Variants in CTNNA3 observed in about 807,000 individuals in gnomAD.
The protein encoded by CTNNA3 is catenin alpha-3.
In CTNNA3, 76 loss-of-function variants were observed where a neutral mutation model predicts 95.7. The ratio of observed to expected loss-of-function variants is 0.79; its 90% CI spans 0.66 to 0.96. The LOEUF (loss-of-function observed/expected upper bound fraction) is 0.96. Ranked by LOEUF, CTNNA3 falls within the 40% of genes least tolerant of loss-of-function variation. The probability of loss-of-function intolerance (pLI) is 0.00; values close to 1 mark genes in which losing one functional copy is unlikely to be tolerated. For missense variants in CTNNA3, 1,191 were observed against 1,089.8 expected (o/e 1.09, Z -1.31); for synonymous variants, 431 against 374.4 (o/e 1.15, Z -1.74).
intron 7 of CTNNA3, among the ~76,000 whole-genome samples, chr10:66,865,843 G>T (rs570880613): frequency 6.6e-6 from 1 of 152,070 alleles, no homozygotes; most frequent in South Asian, 2.1e-4. Flanking sequence ...ACCATAAGTT[G>T]AACATTTGAA....
intron 11 of CTNNA3, among the ~76,000 whole-genome samples, chr10:66,500,233 G>T (rs1344638627): frequency 1.3e-5 from 2 of 151,900 alleles, no homozygotes; most frequent in African/African-American, 4.8e-5. Flanking sequence ...ATTGATACTA[G>T]CAAATTATAA....
chr10:66,836,024 G>A (rs1320332313), intron 7 of CTNNA3, among the ~76,000 whole-genome samples: 1 of 152,098 alleles, frequency 6.6e-6, no homozygotes, highest in African/African-American at 2.4e-5. Context: ...TTTAGGTACT[G>A]GACCACTGGT....
chr10:66,084,147 AG>A (rs1452859268), intron 14 of CTNNA3, among the ~76,000 whole-genome samples: 26 of 127,278 alleles, frequency 2.0e-4, no homozygotes, highest in African/African-American at 5.9e-4. Flanking sequence ...AAAAAAAAAA[AG>A]AAAAAAAAAG....
chr10:67,559,174 C>A (rs1165731769), intron 3 of CTNNA3, among the ~76,000 whole-genome samples: 1 of 152,222 alleles, frequency 6.6e-6, no homozygotes, highest in Non-Finnish European at 1.5e-5. Flanking sequence ...TGAGAACAGG[C>A]AGACTGCCTC....
At chr10:66,519,864 G>T (rs1307405942) in intron 11 of CTNNA3, among the ~76,000 whole-genome samples, 2 of 152,196 alleles carry the variant, frequency 1.3e-5, no homozygotes, top group African/African-American at 4.8e-5. Context: ...TTCCCAAATT[G>T]ACTGAGATCT....
At position 66,261,572 on chromosome 10, in the gene CTNNA3, G is replaced by C. The variant is rs182500513; in HGVS notation, c.1884+18898C>G. Among the ~76,000 whole-genome samples, 412 of 152,104 alleles carry C rather than the reference G, an allele frequency of 2.7e-3. 1 individual carries two copies. The highest frequency in any genetic ancestry group is 8.8e-3 in the African/African-American group (367 of 41,522). On this transcript the variant is annotated intron_variant, in intron 13 of 17. Coordinates refer to ENST00000433211, the MANE Select transcript of CTNNA3 (RefSeq NM_013266.4). ...TGAAGGCATTCTCAGGGGTTAACAA[G>C]AATTCTGGACAGAAATATGGCTATA...
At chr10:66,615,724 G>T (rs774383273) in intron 10 of CTNNA3, among the ~76,000 whole-genome samples, 1 of 151,832 alleles carries the variant, frequency 6.6e-6, no homozygotes, top group Non-Finnish European at 1.5e-5. Context: ...AGCTACTTTT[G>T]CTATAGACCA....
At chr10:66,811,470 A>G (rs1841871697) in intron 7 of CTNNA3, among the ~76,000 whole-genome samples, 1 of 152,228 alleles carries the variant, frequency 6.6e-6, no homozygotes, top group Middle Eastern at 3.2e-3. Flanking sequence ...CAGAATGCAT[A>G]GTAATAAAAT....
chr10:66,618,224 T>A (rs993445603), intron 10 of CTNNA3, among the ~76,000 whole-genome samples: 1 of 151,748 alleles, frequency 6.6e-6, no homozygotes, highest in Non-Finnish European at 1.5e-5. Context: ...AAAGTTCATA[T>A]GGAACCAAAA....
chr10:65,978,069 T>C (rs1025558385), intron 16 of CTNNA3, among the ~76,000 whole-genome samples: 1 of 150,166 alleles, frequency 6.7e-6, no homozygotes, highest in Non-Finnish European at 1.5e-5. Context: ...TTTTAATGCC[T>C]TTTTTTTTCT....
chr10:65,991,537 CTT>C (rs1469349718), intron 15 of CTNNA3, among the ~76,000 whole-genome samples: 7 of 151,610 alleles, frequency 4.6e-5, no homozygotes, highest in Admixed American at 1.3e-4. Context: ...GGGATTGCCT[CTT>C]GATTTCTTTT....
intron 9 of CTNNA3, among the ~76,000 whole-genome samples, chr10:66,717,643 G>A (rs1262220626): frequency 3.9e-5 from 6 of 152,238 alleles, no homozygotes; most frequent in East Asian, 1.9e-4. Context: ...CAATGTGGAC[G>A]TAGGAAGCAG....
chr10:66,869,417 A>C (rs982854716), intron 7 of CTNNA3, among the ~76,000 whole-genome samples: 1 of 152,020 alleles, frequency 6.6e-6, no homozygotes, highest in East Asian at 1.9e-4. Flanking sequence ...GTATTAAAAT[A>C]CAAAAATTAG....
chr10:67,049,338 A>G (rs909847297), intron 7 of CTNNA3, among the ~76,000 whole-genome samples: 2 of 152,168 alleles, frequency 1.3e-5, no homozygotes, highest in South Asian at 2.1e-4. Context: ...TCAGGGAAAA[A>G]GCATTAAATT....
chr10:66,803,471 A>G (rs1268459357), intron 7 of CTNNA3, among the ~76,000 whole-genome samples: 1 of 152,010 alleles, frequency 6.6e-6, no homozygotes, highest in Non-Finnish European at 1.5e-5. Flanking sequence ...TCTGCACTGC[A>G]TACCAGCATT....
intron 1 of CTNNA3, among the ~76,000 whole-genome samples, chr10:67,741,855 C>G (rs1297430778): frequency 6.6e-6 from 1 of 151,128 alleles, no homozygotes; most frequent in African/African-American, 2.4e-5. Flanking sequence ...GTGTTGCAAT[C>G]CTAGTCTCTG....
intron 7 of CTNNA3, among the ~76,000 whole-genome samples, chr10:67,170,697 A>G (rs990154166): frequency 2.0e-5 from 3 of 152,158 alleles, no homozygotes; most frequent in African/African-American, 7.2e-5. Context: ...TGATTAAATA[A>G]TCTGTACAAC....
chr10:66,951,375 C>T (rs1027174535), intron 7 of CTNNA3, among the ~76,000 whole-genome samples: 31 of 152,190 alleles, frequency 2.0e-4, no homozygotes, highest in Non-Finnish European at 3.7e-4. Context: ...CTCTGCCTCC[C>T]AGAGTGCTGG....
chr10:67,032,623 C>A (rs943432020), intron 7 of CTNNA3, among the ~76,000 whole-genome samples: 27 of 152,270 alleles, frequency 1.8e-4, no homozygotes, highest in African/African-American at 6.5e-4. Flanking sequence ...TCTACAGTTA[C>A]AATTTTTCAC....
Sources: allele counts gnomAD v4.1 joint callset (sites outside exome capture counted in the v4.1 genomes callset), GRCh38; gene constraint gnomAD v4.1.1; transcripts MANE v1.5; gene names NCBI Gene and HGNC (gene_info 2026-07-23, HGNC 2026-07-21).